The following KALRN variants were observed in gnomAD, a reference collection of about 807,000 sequenced individuals.
KALRN encodes the protein kalirin.
A neutral mutation model predicts 353.7 loss-of-function variants in KALRN; 70 were observed. The observed-to-expected ratio is 0.20, with a 90% CI of 0.16 to 0.24. KALRN has a LOEUF of 0.24. KALRN is among the 10% of genes least tolerant of loss of function. KALRN has a pLI of 1.00. For missense variants in KALRN, 2,791 were observed against 3,756.7 expected, an observed-to-expected ratio of 0.74 and a Z score of 6.72; for synonymous variants, 1,391 against 1,434.8, an observed-to-expected ratio of 0.97 and a Z score of 0.69.
At chr3:124,358,307 A>G (rs1455411579) in intron 10 of KALRN, among the ~76,000 whole-genome samples, 2 of 152,206 alleles carry the variant, frequency 1.3e-5, no homozygotes, top group Non-Finnish European at 2.9e-5. Context: ...TCCAGCTGGG[A>G]TCATTATCAT....
intron 1 of KALRN, among the ~76,000 whole-genome samples, chr3:124,146,911 AGGT>A (rs2067440159): frequency 6.7e-6 from 1 of 150,360 alleles, no homozygotes; most frequent in Non-Finnish European, 1.5e-5. Flanking sequence ...AAAAAAAAAG[AGGT>A]GGGGGTTAGT....
intron 1 of KALRN, among the ~76,000 whole-genome samples, chr3:124,055,498 T>C (rs1360453332): frequency 6.6e-6 from 1 of 152,244 alleles, no homozygotes; most frequent in Non-Finnish European, 1.5e-5. Context: ...CAACTTGTTA[T>C]GCATAGAAGT....
chr3:124,129,072 G>T (rs371802143), intron 1 of KALRN, among the ~76,000 whole-genome samples: 2 of 152,042 alleles, frequency 1.3e-5, no homozygotes, highest in South Asian at 2.1e-4. Flanking sequence ...GTAAAACTGC[G>T]TACAGCCGTA....
At chr3:124,327,167 A>G (rs2080002205) in intron 7 of KALRN, among the ~76,000 whole-genome samples, 1 of 152,164 alleles carries the variant, frequency 6.6e-6, no homozygotes, top group Non-Finnish European at 1.5e-5. Flanking sequence ...AATGAGGGAG[A>G]AAGTGTTTGA....
At chr3:124,455,871 G>A (rs1203410061) in intron 22 of KALRN, among the ~76,000 whole-genome samples, 1 of 152,310 alleles carries the variant, frequency 6.6e-6, no homozygotes, top group Middle Eastern at 3.4e-3. Flanking sequence ...TATAATAGGG[G>A]TTAGTAACCT....
intron 1 of KALRN, among the ~76,000 whole-genome samples, chr3:124,086,309 TTG>T (rs59443298): frequency 0.06 from 8,507 of 141,742 alleles, 267 homozygotes; most frequent in Admixed American, 0.089. Context: ...GGTTGTTTTG[TTG>T]TGTGTGTGTG....
intron 19 of KALRN, 111 bp from the exon 20 acceptor site, chr3:124,446,050 A>C (rs1010268549): frequency 1.6e-6 from 1 of 635,098 alleles, no homozygotes; most frequent in African/African-American, 1.8e-5. Flanking sequence ...TCTCATGGGG[A>C]TGCTTGAAAT....
intron 13 of KALRN, among the ~76,000 whole-genome samples, chr3:124,408,965 CT>C (rs1157860590): frequency 6.6e-6 from 1 of 152,198 alleles, no homozygotes; most frequent in African/African-American, 2.4e-5. Flanking sequence ...CCTTGGGCTT[CT>C]TTTTGAAGTG....
At chr3:124,500,995 G>A (rs1423616882) in intron 33 of KALRN, among the ~76,000 whole-genome samples, 4 of 139,968 alleles carry the variant, frequency 2.9e-5, no homozygotes, top group Non-Finnish European at 6.3e-5. Context: ...TCCAGCTAAT[G>A]GTACAAAAGT....
intron 21 of KALRN, among the ~76,000 whole-genome samples, chr3:124,450,156 T>C (rs1577032474): frequency 6.6e-6 from 1 of 152,230 alleles, no homozygotes; most frequent in African/African-American, 2.4e-5. Context: ...CATTTTGTAC[T>C]CTCACCAGCA....
intron 1 of KALRN, among the ~76,000 whole-genome samples, chr3:124,075,236 G>A (rs1309840755): frequency 3.9e-5 from 6 of 152,198 alleles, no homozygotes; most frequent in South Asian, 2.1e-4. Flanking sequence ...GGGCAGCCTC[G>A]CCACAATTTC....
intron 34 of KALRN, among the ~76,000 whole-genome samples, chr3:124,626,482 G>A (rs934347666): frequency 6.6e-6 from 1 of 152,112 alleles, no homozygotes; most frequent in Non-Finnish European, 1.5e-5. Context: ...ACTATTTCAT[G>A]ATAAAATTCG....
chr3:124,385,904 C>G (rs553194914), intron 11 of KALRN, among the ~76,000 whole-genome samples: 9 of 152,054 alleles, frequency 5.9e-5, no homozygotes, highest in African/African-American at 1.4e-4. Flanking sequence ...TGTGTCCCCC[C>G]CCAGGAATTC....
intron 9 of KALRN, among the ~76,000 whole-genome samples, chr3:124,339,736 C>G (rs1164125919): frequency 6.6e-6 from 1 of 152,142 alleles, no homozygotes; most frequent in Non-Finnish European, 1.5e-5. Flanking sequence ...TAATTTACAT[C>G]AGAATAATGG....
chr3:124,189,329 T>G (rs551689309), intron 1 of KALRN, among the ~76,000 whole-genome samples: 2 of 152,282 alleles, frequency 1.3e-5, no homozygotes, highest in East Asian at 3.9e-4. Context: ...AATAAAGTAC[T>G]TGTAAACATC....
At chr3:124,435,135 A>G (rs1450136392) in intron 17 of KALRN, among the ~76,000 whole-genome samples, 1 of 152,264 alleles carries the variant, frequency 6.6e-6, no homozygotes, top group Non-Finnish European at 1.5e-5. Context: ...TCACATGGCC[A>G]AGCCAACATT....
intron 1 of KALRN, among the ~76,000 whole-genome samples, chr3:124,040,723 G>C (rs1179572315): frequency 6.6e-6 from 1 of 152,172 alleles, no homozygotes; most frequent in African/African-American, 2.4e-5. Context: ...CACAGGTTGA[G>C]AGTATTAAGT....
chr3:124,094,660 C>G, intron 1 of KALRN: 1 of 646,230 alleles, frequency 1.5e-6, no homozygotes, highest in South Asian at 1.8e-5. Context: ...GTGAAACCGG[C>G]TCCCGGCACA....
intron 1 of KALRN, among the ~76,000 whole-genome samples, chr3:124,064,446 G>T (rs1045801098): frequency 2.0e-5 from 3 of 152,168 alleles, no homozygotes; most frequent in Non-Finnish European, 4.4e-5. Context: ...CAGCCTTGAT[G>T]AATAGAGAAG....
Sources: allele counts gnomAD v4.1 joint callset (sites outside exome capture counted in the v4.1 genomes callset), GRCh38; gene constraint gnomAD v4.1.1; transcripts MANE v1.5; gene names NCBI Gene and HGNC (gene_info 2026-07-23, HGNC 2026-07-21).